The following IL17RC variants were observed in gnomAD, a reference collection of about 807,000 sequenced individuals.
The protein encoded by IL17RC is interleukin 17 receptor C, also known as interleukin-17 receptor C.
Under a neutral mutation model 86.7 loss-of-function variants are expected in IL17RC, and 53 were observed. That is an observed-to-expected ratio of 0.61 (90% CI 0.49 to 0.77). The LOEUF (loss-of-function observed/expected upper bound fraction) is 0.77. IL17RC is among the 30% of genes least tolerant of loss of function. The pLI is 0.00. For missense variants in IL17RC, 957 were observed against 940.0 expected (o/e 1.02, Z -0.24); for synonymous variants, 439 against 413.1 (o/e 1.06, Z -0.76).
At position 9,930,021 on chromosome 3, in the gene IL17RC, C is replaced by G. The variant is rs2084505293; in HGVS notation, c.1157-7C>G. The G allele has an allele frequency of 1.2e-6, 2 of 1,613,936 alleles. No individual in the cohort carries two copies. The highest frequency in any genetic ancestry group is 1.7e-6 in the Non-Finnish European group (2 of 1,179,898). ...TCTTGGTCAGAGTGGCCTCTCACCCCTTCCAGACTCCCTGGGGCCTCTCAA... is the reference window on the plus strand; with the variant it reads ...TCTTGGTCAGAGTGGCCTCTCACCCGTTCCAGACTCCCTGGGGCCTCTCAA... On this transcript the variant is annotated splice_polypyrimidine_tract_variant and splice_region_variant and intron_variant, in intron 13 of 18. Transcript: ENST00000403601. The surrounding 1 kb of genome is among the most constrained non-coding windows in gnomAD (Gnocchi z 5.8).
intron 9 of IL17RC, among the ~76,000 whole-genome samples, chr3:9,926,391 T>C (rs2084077519): frequency 1.3e-5 from 2 of 152,190 alleles, no homozygotes; most frequent in African/African-American, 4.8e-5. Flanking sequence ...AATCACTTAC[T>C]TTCTTATTTG....
chr3:9,920,826 T>A lies in IL17RC; in HGVS notation c.578-99T>A, dbSNP rs1575535512. ...ATAGATGTGGGTGGTATGTAGGGGATGGGGAGCCATTCCTAATGCCCCCCT... is the reference window on the plus strand; with the variant it reads ...ATAGATGTGGGTGGTATGTAGGGGAAGGGGAGCCATTCCTAATGCCCCCCT... On this transcript the variant is annotated intron_variant, in intron 6 of 18. Coordinates refer to ENST00000403601, the MANE Select transcript of IL17RC (RefSeq NM_153460.4). 2.5e-5 allele frequency: 23 copies of A among 904,470 alleles called. No individual in the cohort carries two copies. In the South Asian group the frequency reaches 3.7e-4, roughly 15 times the overall value. 56.0% of individuals were successfully genotyped at this position (904,470 alleles called of 1,614,324 possible). A position where few individuals can be genotyped will look rare whatever the true frequency, so the allele number is the denominator to read the frequency against.
At position 9,928,383 on chromosome 3, in the gene IL17RC, C is replaced by T. The variant is rs371497727; in HGVS notation, c.956C>T (p.Pro319Leu). The T allele has an allele frequency of 1.4e-4, 230 of 1,604,442 alleles. No homozygotes were observed. The highest frequency in any genetic ancestry group is 1.7e-4 in the Non-Finnish European group (205 of 1,175,292). ...CTGCAGAGCTGGCTGCTGGACGCAC[C>T]GTGCTCGCTGCCCGCAGAAGCGGCA... Reference protein sequence around the residue: ...LTLQSWLLDAPCSLPAEAALC... With the variant: ...LTLQSWLLDALCSLPAEAALC... The change falls in exon 11 of 19, where the codon CCG (proline) becomes CTG (leucine). Residue 319 changes from proline to leucine, a missense_variant. Coordinates refer to ENST00000403601, the MANE Select transcript of IL17RC (RefSeq NM_153460.4).
In IL17RC at chr3:9,933,125, G is replaced by A. The variant is rs76999397; in HGVS notation, c.1695G>A (p.Ala565=). ...SAQGPVAWFH[A]QRRQTLQEGG... is the part of the protein sequence containing the mutation. Reference sequence around the variant, plus strand: ...AGGGGCCCGTGGCTTGGTTTCACGCGCAGCGGCGCCAGACCCTGCAGGAGG... The same window carrying A: ...AGGGGCCCGTGGCTTGGTTTCACGCACAGCGGCGCCAGACCCTGCAGGAGG... Residue 565 remains alanine, a synonymous_variant, in exon 19 of 19, where the codon GCG becomes GCA. Coordinates refer to ENST00000403601, the MANE Select transcript of IL17RC (RefSeq NM_153460.4). The A allele has an allele frequency of 0.048, 76,700 of 1,587,378 alleles. 2,059 individuals carry two copies. The highest frequency in any genetic ancestry group is 0.072 in the South Asian group (6,340 of 87,748).
Position 9,921,765 on chromosome 3 carries a change from C to T in IL17RC, c.622+796C>T, listed in dbSNP as rs544587431. On this transcript the variant is annotated intron_variant, in intron 7 of 18. Transcript: ENST00000403601. ...TCAGCCTCCCGAGTAGCTGGGACTA[C>T]AGGCACCCGCCACCACGCCTGGCTA... Among the ~76,000 whole-genome samples, 15 of 150,590 alleles carry T rather than the reference C, an allele frequency of 1.0e-4. No individual in the cohort carries two copies. In the South Asian group the frequency reaches 1.9e-3, roughly 19 times the overall value.
Position 9,933,568 on chromosome 3 carries a change from G to A in IL17RC, c.2138G>A (p.Gly713Glu). Reference sequence around the variant, plus strand: ...GGACGCGGGGTGGGACCAGGCGCGGGACCTGGGGCGGGGGACGGGACTTAA... The same window carrying A: ...GGACGCGGGGTGGGACCAGGCGCGGAACCTGGGGCGGGGGACGGGACTTAA... ...APGRGVGPGAGPGAGDGT is the reference protein window; with the variant it reads ...APGRGVGPGAEPGAGDGT The change falls in exon 19 of 19, where the codon GGA becomes GAA. Residue 713 changes from glycine (G) to glutamate (E), a missense_variant. Gly to Glu is a moderately conservative substitution (Grantham distance 98). Transcript: ENST00000403601. The A allele has an allele frequency of 6.2e-7, 1 of 1,601,670 alleles. No individual in the cohort carries two copies. The highest frequency in any genetic ancestry group is 1.7e-5 in the Admixed American group (1 of 58,938).
intron 9 of IL17RC, 55 bp downstream of exon 9, chr3:9,924,346 G>A: frequency 6.5e-7 from 1 of 1,530,856 alleles, no homozygotes; most frequent in South Asian, 1.1e-5. Context: ...TGATGATGGG[G>A]GTGATCCCTG....
At position 9,930,948 on chromosome 3, in the gene IL17RC, G is replaced by A. The variant is rs2125283019; in HGVS notation, c.1387+5G>A. 3.1e-6 allele frequency: 5 copies of A among 1,612,932 alleles called. No homozygotes were observed. The highest frequency in any genetic ancestry group is 4.2e-6 in the Non-Finnish European group (5 of 1,178,880). ...GGGCCTGCCCCATGGACAAATGTGA[G>A]TATTGTAAGAACTGCCTTTCCTTTC... On this transcript the variant is annotated splice_donor_5th_base_variant and intron_variant, in intron 16 of 18. Coordinates refer to ENST00000403601, the MANE Select transcript of IL17RC (RefSeq NM_153460.4). The surrounding 1 kb of genome is among the most constrained non-coding windows in gnomAD (Gnocchi z 5.8).
intron 12 of IL17RC, chr3:9,929,497 C>T: frequency 3.2e-6 from 1 of 308,598 alleles, no homozygotes; most frequent in Non-Finnish European, 6.2e-6. Flanking sequence ...CTTAAAATTG[C>T]ATACAAATAC....
chr3:9,925,026 T>C (rs1261526742), intron 9 of IL17RC, among the ~76,000 whole-genome samples: 4 of 151,986 alleles, frequency 2.6e-5, no homozygotes, highest in African/African-American at 9.7e-5. Flanking sequence ...CTGTTCTGAA[T>C]TCCTGGGCTT....
chr3:9,917,868 C>T, intron 2 of IL17RC, 55 bp from the exon 3 acceptor site: 2 of 1,611,844 alleles, frequency 1.2e-6, no homozygotes, highest in Non-Finnish European at 8.5e-7. Context: ...TGTCAGGTGC[C>T]ACCAAATTCT....
Position 9,930,001 on chromosome 3 carries a change from G to A in IL17RC, c.1157-27G>A, listed in dbSNP as rs777926070. ...CCAATCCCAGCAAGGATGGGTCTTG[G>A]TCAGAGTGGCCTCTCACCCCTTCCA... On this transcript the variant is annotated intron_variant, in intron 13 of 18. Transcript: ENST00000403601. The surrounding 1 kb of genome is among the most constrained non-coding windows in gnomAD (Gnocchi z 5.8). 2 of 1,613,864 alleles carry A rather than the reference G, an allele frequency of 1.2e-6. No homozygotes were observed. Among genetic ancestry groups the A allele is most frequent in the Middle Eastern group, 1.7e-4 (1 of 6,060 alleles).
chr3:9,918,145 G>A (rs2083262823), intron 3 of IL17RC, 70 bp downstream of exon 3: 11 of 1,498,350 alleles, frequency 7.3e-6, no homozygotes, highest in Non-Finnish European at 9.9e-6. Context: ...GAGGGCCAGG[G>A]GATCTCTCAA....
chr3:9,933,380 G>C lies in IL17RC; in HGVS notation c.1950G>C (p.Val650=). ...CCGTACCCGCCCTTTTCCGCACCGT[G>C]CCCGTCTTCACACTGCCCTCCCAAC... is the stretch of plus-strand genomic sequence containing the variant. ...PDAVPALFRT[V]PVFTLPSQLP... is the part of the protein sequence containing the mutation. The change falls in exon 19 of 19, where the codon GTG becomes GTC. Residue 650 remains valine, a synonymous_variant. Transcript: ENST00000403601. 1 of 1,612,994 alleles carries C rather than the reference G, an allele frequency of 6.2e-7. No homozygotes were observed. The highest frequency in any genetic ancestry group is 8.5e-7 in the Non-Finnish European group (1 of 1,179,686).
chr3:9,917,978 G>C lies in IL17RC; in HGVS notation c.183G>C (p.Leu61=), dbSNP rs2083242083. Residue 61 remains leucine (L), a synonymous_variant, in exon 3 of 19, where the codon CTG becomes CTC. Coordinates refer to ENST00000403601, the MANE Select transcript of IL17RC (RefSeq NM_153460.4). ...GDIVPAPGPV[L]APTHLQTELV... is the part of the protein sequence containing the mutation. ...TCGTGCCTGCTCCGGGCCCCGTGCT[G>C]GCGCCTACGCACCTGCAGACAGAGC... The C allele has an allele frequency of 1.9e-6, 3 of 1,613,830 alleles. No individual in the cohort carries two copies. Among genetic ancestry groups the C allele is most frequent in the East Asian group, 2.2e-5 (1 of 44,878 alleles).
Position 9,917,954 on chromosome 3 carries a change from C to A in IL17RC, c.159C>A (p.Ile53=). The part of the protein sequence containing the change: ...DSDILCLPGD[I]VPAPGPVLAP... ...ACATACTCTGCCTGCCTGGGGACAT[C>A]GTGCCTGCTCCGGGCCCCGTGCTGG... Residue 53 remains isoleucine, a synonymous_variant, in exon 3 of 19, where the codon ATC becomes ATA. Coordinates refer to ENST00000403601, the MANE Select transcript of IL17RC (RefSeq NM_153460.4). 1.2e-6 allele frequency: 2 copies of A among 1,613,586 alleles called. No homozygotes were observed. The highest frequency in any genetic ancestry group is 1.7e-6 in the Non-Finnish European group (2 of 1,180,014).
At chr3:9,921,945 T>G (rs1200393774) in intron 7 of IL17RC, among the ~76,000 whole-genome samples, 1 of 125,614 alleles carries the variant, frequency 8.0e-6, no homozygotes, top group Non-Finnish European at 1.6e-5. Context: ...GATTTCCATG[T>G]CCAGTTCTTT....
intron 3 of IL17RC, 64 bp downstream of exon 3, chr3:9,918,139 G>A: frequency 6.6e-7 from 1 of 1,511,652 alleles, no homozygotes; most frequent in East Asian, 2.5e-5. Context: ...GGGCATGAGG[G>A]CCAGGGGATC....
chr3:9,919,023 A>G (rs1281572235), intron 5 of IL17RC: 1 of 153,282 alleles, frequency 6.5e-6, no homozygotes, highest in East Asian at 1.9e-4. Context: ...ATTTTATTTT[A>G]TTTTTAAATT....
Sources: gnomAD v4.1 joint callset for allele counts (sites outside exome capture counted in the v4.1 genomes callset) on GRCh38, gnomAD v4.1.1 for gene constraint, Gnocchi (gnomAD v3.1) non-coding constraint, MANE v1.5 for transcripts, NCBI Gene and HGNC (gene_info 2026-07-23, HGNC 2026-07-21) for gene names.